The following SYNDIG1 variants were observed in gnomAD, a reference collection of about 807,000 sequenced individuals.
SYNDIG1 encodes the protein synapse differentiation-inducing gene protein 1.
SYNDIG1 carries 9 observed loss-of-function variants against 19.4 expected under a neutral mutation model. The ratio of observed to expected loss-of-function variants is 0.46; its 90% confidence interval spans 0.28 to 0.81. The LOEUF (loss-of-function observed/expected upper bound fraction) is 0.81, where lower values mean the gene tolerates loss of function less well. SYNDIG1 is among the 30% of genes least tolerant of loss of function. The probability of loss-of-function intolerance (pLI) is 0.12; values close to 1 mark genes in which losing one functional copy is unlikely to be tolerated. For missense variants in SYNDIG1, 311 were observed against 343.3 expected, an observed-to-expected ratio of 0.91 and a Z score of 0.74; for synonymous variants, 141 against 145.9, an observed-to-expected ratio of 0.97 and a Z score of 0.24.
intron 1 of SYNDIG1, among the ~76,000 whole-genome samples, chr20:24,510,427 G>A (rs1312840236): frequency 1.3e-5 from 2 of 151,534 alleles, no homozygotes; most frequent in African/African-American, 2.4e-5. Flanking sequence ...AAAAAAGTTA[G>A]GCATGGTGGT....
At chr20:24,621,486 T>C (rs1740937149) in intron 3 of SYNDIG1, among the ~76,000 whole-genome samples, 1 of 152,242 alleles carries the variant, frequency 6.6e-6, no homozygotes, top group Non-Finnish European at 1.5e-5. Context: ...ATTCATATTT[T>C]TAAATAACTC....
chr20:24,518,224 G>A (rs1017788534), intron 1 of SYNDIG1, among the ~76,000 whole-genome samples: 1 of 152,120 alleles, frequency 6.6e-6, no homozygotes, highest in African/African-American at 2.4e-5. Context: ...TCAGTAGGAG[G>A]AGAAGGTTCT....
intron 2 of SYNDIG1, among the ~76,000 whole-genome samples, chr20:24,584,502 T>A (rs948356453): frequency 1.6e-4 from 24 of 152,146 alleles, no homozygotes; most frequent in Admixed American, 1.1e-3. Context: ...CTACAGGCAG[T>A]CCCTGCAAAG....
intron 1 of SYNDIG1, among the ~76,000 whole-genome samples, chr20:24,495,987 G>A (rs6114744): frequency 6.6e-6 from 1 of 152,120 alleles, no homozygotes; most frequent in African/African-American, 2.4e-5. Context: ...TGGGACTACA[G>A]GTGCCTGCCA....
At chr20:24,635,338 C>T (rs1381895493) in intron 3 of SYNDIG1, among the ~76,000 whole-genome samples, 1 of 152,222 alleles carries the variant, frequency 6.6e-6, no homozygotes, top group Non-Finnish European at 1.5e-5. Context: ...GAACCTCTGA[C>T]CAAAGCAGCT....
At chr20:24,474,486 C>A (rs2055559288) in intron 1 of SYNDIG1, among the ~76,000 whole-genome samples, 1 of 152,130 alleles carries the variant, frequency 6.6e-6, no homozygotes, top group Non-Finnish European at 1.5e-5. Flanking sequence ...AAGGCACAAC[C>A]CAGGGGATAA....
intron 3 of SYNDIG1, among the ~76,000 whole-genome samples, chr20:24,662,716 C>A (rs902147095): frequency 3.0e-4 from 45 of 152,402 alleles, no homozygotes; most frequent in African/African-American, 1.1e-3. Flanking sequence ...CAGTCACCTG[C>A]ACTTTCTAAC....
At chr20:24,598,215 C>T (rs923727919) in intron 3 of SYNDIG1, among the ~76,000 whole-genome samples, 1 of 152,214 alleles carries the variant, frequency 6.6e-6, no homozygotes, top group African/African-American at 2.4e-5. Flanking sequence ...CCGCCATGCA[C>T]TCACGAAACA....
chr20:24,517,061 A>C (rs567180095), intron 1 of SYNDIG1, among the ~76,000 whole-genome samples: 1 of 152,264 alleles, frequency 6.6e-6, no homozygotes, highest in Non-Finnish European at 1.5e-5. Context: ...ACAAAAAACC[A>C]AACACCGCAT....
intron 3 of SYNDIG1, among the ~76,000 whole-genome samples, chr20:24,651,026 T>C (rs953751505): frequency 6.6e-6 from 1 of 152,152 alleles, no homozygotes; most frequent in Non-Finnish European, 1.5e-5. Flanking sequence ...TCAGTAGAGA[T>C]GGAGTTTCAC....
Position 24,658,476 on chromosome 20 carries a change from TGGGGG to T in SYNDIG1, c.619-6868_619-6864del, listed in dbSNP as rs1298602484. Among the ~76,000 whole-genome samples the T allele has an allele frequency of 6.6e-6, 1 of 152,036 alleles. No homozygotes were observed. The highest frequency in any genetic ancestry group is 1.5e-5 in the Non-Finnish European group (1 of 67,972). On this transcript the variant is annotated intron_variant, in intron 3 of 3. Coordinates refer to ENST00000376862, the MANE Select transcript of SYNDIG1 (RefSeq NM_024893.3). This position sits in a 1 kb window ranked among gnomAD's most constrained non-coding sequence, Gnocchi z 4.4. ...GTGGACAGGCGCTCTGGCCGTACCC[TGGGGG>T]GTGAAAGCCCTTCCCCAGTGACCTG... is the stretch of plus-strand genomic sequence containing the variant.
chr20:24,662,298 T>C (rs2059611876), intron 3 of SYNDIG1, among the ~76,000 whole-genome samples: 1 of 151,966 alleles, frequency 6.6e-6, no homozygotes, highest in African/African-American at 2.4e-5. Flanking sequence ...TGGCGCAAGT[T>C]TACTTTTACT....
In SYNDIG1 at chr20:24,539,850, CT is replaced by C. The variant is rs1374347330; in HGVS notation, c.-78-3169del. Among the ~76,000 whole-genome samples the C allele has an allele frequency of 2.0e-5, 3 of 152,288 alleles. No individual in the cohort carries two copies. The East Asian group carries it at 5.8e-4, about 29-fold the overall frequency. On this transcript the variant is annotated intron_variant, in intron 1 of 3. Coordinates refer to ENST00000376862, the MANE Select transcript of SYNDIG1 (RefSeq NM_024893.3). Reference sequence around the variant, plus strand: ...CTGGAGTCCAGTGGCACGATCTCAGCTCACTGCAACCTCTGCCTCCTGTGTT... The same window carrying C: ...CTGGAGTCCAGTGGCACGATCTCAGCCACTGCAACCTCTGCCTCCTGTGTT...
intron 3 of SYNDIG1, among the ~76,000 whole-genome samples, chr20:24,592,292 C>T (rs2058525045): frequency 6.6e-6 from 1 of 152,272 alleles, no homozygotes; most frequent in African/African-American, 2.4e-5. Flanking sequence ...GGACACGACA[C>T]CATCATTGTT....
chr20:24,578,311 C>T, intron 2 of SYNDIG1, among the ~76,000 whole-genome samples: 1 of 151,992 alleles, frequency 6.6e-6, no homozygotes, highest in South Asian at 2.1e-4. Flanking sequence ...GGCATGATGG[C>T]ACGTACCTGT....
chr20:24,654,621 G>A (rs1258558145), intron 3 of SYNDIG1, among the ~76,000 whole-genome samples: 6 of 147,986 alleles, frequency 4.1e-5, no homozygotes, highest in African/African-American at 1.3e-4. Flanking sequence ...AAGGAAGAGA[G>A]GGAGGGAGGA....
At chr20:24,579,955 G>A (rs751059063) in intron 2 of SYNDIG1, among the ~76,000 whole-genome samples, 4 of 152,148 alleles carry the variant, frequency 2.6e-5, no homozygotes, top group African/African-American at 4.8e-5. Flanking sequence ...AGAAAACCCC[G>A]AGGGAACTGA....
chr20:24,569,312 G>T (rs2058103628), intron 2 of SYNDIG1, among the ~76,000 whole-genome samples: 1 of 152,158 alleles, frequency 6.6e-6, no homozygotes, highest in Admixed American at 6.5e-5. Context: ...TCGCTCAAAG[G>T]GGTGGCATCC....
rs200918588 is a variant in SYNDIG1 at position 24,585,022 on chromosome 20, G to A, written c.618+29G>A. ...AGGCCTCCTTGGTCTGTCGCACGTG[G>A]TGTGCAGGTGTTCACAGGGTGGGGG... is the stretch of plus-strand genomic sequence containing the variant. On this transcript the variant is annotated intron_variant, in intron 3 of 3. Coordinates refer to ENST00000376862, the MANE Select transcript of SYNDIG1 (RefSeq NM_024893.3). The A allele has an allele frequency of 1.4e-4, 216 of 1,573,316 alleles. 4 individuals are homozygous for A. In the South Asian group the frequency reaches 2.3e-3, roughly 17 times the overall value.
Sources: allele counts gnomAD v4.1 joint callset (sites outside exome capture counted in the v4.1 genomes callset), GRCh38; gene constraint gnomAD v4.1.1; non-coding constraint Gnocchi (gnomAD v3.1); transcripts MANE v1.5; gene names NCBI Gene and HGNC (gene_info 2026-07-23, HGNC 2026-07-21).